AZIN1: variants seen among roughly 807,000 people sequenced by gnomAD.
The protein encoded by AZIN1 is ornithine decarboxylase antizyme inhibitor.
AZIN1 carries 12 observed loss-of-function variants against 47.4 expected under a neutral mutation model. The observed-to-expected ratio is 0.25, with a 90% CI of 0.16 to 0.41. The LOEUF (loss-of-function observed/expected upper bound fraction) is 0.41. Ranked by LOEUF, AZIN1 falls within the 10% of genes least tolerant of loss-of-function variation. The pLI is 1.00. For missense variants in AZIN1, 410 were observed against 532.4 expected (o/e 0.77, Z 2.26); for synonymous variants, 155 against 176.3 (o/e 0.88, Z 0.96).
rs183588256 is a variant in AZIN1, at chr8:102,842,297, C to T, written c.102+1254G>A. ...TGAAGAATACAACTGAGACCAGGCACAGTGGCTCACGCCTGTTAATCCAAC... is the reference window on the plus strand; with the variant it reads ...TGAAGAATACAACTGAGACCAGGCATAGTGGCTCACGCCTGTTAATCCAAC... On this transcript the variant is annotated intron_variant, in intron 3 of 11. Coordinates refer to ENST00000337198, the MANE Select transcript of AZIN1 (RefSeq NM_148174.4). Among the ~76,000 whole-genome samples, 73 of 152,286 alleles carry T rather than the reference C, an allele frequency of 4.8e-4. 2 individuals carry two copies. The South Asian group carries it at 9.1e-3, about 19-fold the overall frequency.
chr8:102,832,556 G>C (rs781126283), intron 9 of AZIN1, among the ~76,000 whole-genome samples: 2 of 152,066 alleles, frequency 1.3e-5, no homozygotes, highest in Non-Finnish European at 2.9e-5. Flanking sequence ...TCATCTGCTA[G>C]ACATTTATCT....
chr8:102,829,685 C>T, intron 10 of AZIN1, 136 bp downstream of exon 10: 2 of 827,136 alleles, frequency 2.4e-6, no homozygotes, highest in Non-Finnish European at 2.0e-6. Context: ...GGGACTCCAC[C>T]AGAAGAACGC....
In AZIN1 at chr8:102,844,356, A is replaced by T. The variant is rs565528160; in HGVS notation, c.-95-609T>A. Among the ~76,000 whole-genome samples, 393 of 152,332 alleles carry T rather than the reference A, an allele frequency of 2.6e-3. 1 individual carries two copies. The highest frequency in any genetic ancestry group is 8.3e-3 in the African/African-American group (347 of 41,578). Reference sequence around the variant, plus strand: ...ACTCCGTCTCTCCTAAAAAAAAAAAAAAAATTCCCAAATAGGTGAAAGTAA... The same window carrying T: ...ACTCCGTCTCTCCTAAAAAAAAAAATAAAATTCCCAAATAGGTGAAAGTAA... On this transcript the variant is annotated intron_variant, in intron 2 of 11. Transcript: ENST00000337198.
rs201949500 is a variant in AZIN1, at chr8:102,829,909, G to A, written c.932C>T (p.Ala311Val). The A allele has an allele frequency of 4.8e-5, 78 of 1,610,050 alleles. 1 individual carries two copies. The East Asian group carries it at 1.7e-3, about 34-fold the overall frequency. Residue 311 changes from alanine (A) to valine (V), a missense_variant, in exon 10 of 12, where the codon GCC becomes GTC. By Grantham distance (64) the Ala-to-Val change is moderately conservative. Transcript: ENST00000337198. Reference protein sequence around the residue: ...GVEKTGSDEPAFMYYMNDGVY... With the variant: ...GVEKTGSDEPVFMYYMNDGVY... ...ACCATCATTCATATAATACATGAAG[G>A]CTGGTTCATCACTTCCGGTTTTTTC... is the stretch of plus-strand genomic sequence containing the variant.
intron 3 of AZIN1, among the ~76,000 whole-genome samples, chr8:102,842,617 G>C (rs1178620370): frequency 1.3e-5 from 2 of 151,530 alleles, no homozygotes; most frequent in Non-Finnish European, 2.9e-5. Context: ...TGAGGCAGGA[G>C]AATCGCTTGA....
chr8:102,836,834 TTC>T (rs1811852931), intron 5 of AZIN1, among the ~76,000 whole-genome samples: 1 of 152,248 alleles, frequency 6.6e-6, no homozygotes, highest in Non-Finnish European at 1.5e-5. Flanking sequence ...ACTGCAAACA[TTC>T]TTCCTACTAA....
intron 2 of AZIN1, among the ~76,000 whole-genome samples, chr8:102,848,164 G>A (rs2679750): frequency 0.22 from 32,649 of 151,852 alleles, 4,075 homozygotes; most frequent in South Asian, 0.38. Flanking sequence ...TGGGTGTGTC[G>A]TAGGCTGTAC....
chr8:102,860,092 TGAA>T (rs1395296104), intron 1 of AZIN1, among the ~76,000 whole-genome samples: 3 of 152,110 alleles, frequency 2.0e-5, no homozygotes, highest in Admixed American at 6.5e-5. Context: ...TAAAAAAGCA[TGAA>T]GAAGGACTTG....
At chr8:102,841,201 GGATA>G (rs1812155530) in intron 3 of AZIN1, among the ~76,000 whole-genome samples, 2 of 152,166 alleles carry the variant, frequency 1.3e-5, no homozygotes, top group Admixed American at 1.3e-4. Context: ...GTGCAAAGAC[GGATA>G]GATAGTGGGA....
At chr8:102,832,699 G>A (rs1811540041) in intron 9 of AZIN1, among the ~76,000 whole-genome samples, 1 of 151,374 alleles carries the variant, frequency 6.6e-6, no homozygotes, top group Non-Finnish European at 1.5e-5. Context: ...GGAGTCCAGT[G>A]GCACAATCTT....
Position 102,838,754 on chromosome 8 carries a change from G to T in AZIN1, c.439C>A (p.Pro147Thr), listed in dbSNP as rs781216249. Residue 147 changes from proline (P) to threonine (T), a missense_variant, in exon 5 of 12, where the codon CCA becomes ACA. Coordinates refer to ENST00000337198, the MANE Select transcript of AZIN1 (RefSeq NM_148174.4). ...TAATTTTATACTTACTTGGCATTTGGGTGATTACGTGCAATTTTCTTCAAT... is the reference window on the plus strand; with the variant it reads ...TAATTTTATACTTACTTGGCATTTGTGTGATTACGTGCAATTTTCTTCAAT... Reference protein sequence around the residue: ...IELKKIARNHPNAKVLLHIAT... With the variant: ...IELKKIARNHTNAKVLLHIAT... 13 of 1,611,002 alleles carry T rather than the reference G, an allele frequency of 8.1e-6. No homozygotes were observed. Among genetic ancestry groups the T allele is most frequent in the Non-Finnish European group, 1.1e-5 (13 of 1,178,546 alleles).
At chr8:102,837,011 G>A (rs1459403588) in intron 5 of AZIN1, among the ~76,000 whole-genome samples, 2 of 152,016 alleles carry the variant, frequency 1.3e-5, no homozygotes, top group Non-Finnish European at 2.9e-5. Flanking sequence ...AGTGCCTCCT[G>A]AGTTCAAGCA....
In AZIN1 at chr8:102,841,870, G is replaced by C. The variant is rs370009052; in HGVS notation, c.102+1681C>G. ...TCGCGCCTGTAATCCCAGCACTTTG[G>C]GAGGCCAAGGTGGGTGGATCACCTG... On this transcript the variant is annotated intron_variant, in intron 3 of 11. Coordinates refer to ENST00000337198, the MANE Select transcript of AZIN1 (RefSeq NM_148174.4). Among the ~76,000 whole-genome samples, 9 of 151,338 alleles carry C rather than the reference G, an allele frequency of 5.9e-5. No homozygotes were observed. The East Asian group carries it at 1.6e-3, about 26-fold the overall frequency.
In AZIN1 at chr8:102,826,436, A is replaced by G. The variant is rs897694586; in HGVS notation, c.*2131T>C. Reference sequence around the variant, plus strand: ...CAGTTCAATTTACTATATAGAAATCATTGGGTTTTATATTTGCAGTTAACT... The same window carrying G: ...CAGTTCAATTTACTATATAGAAATCGTTGGGTTTTATATTTGCAGTTAACT... On this transcript the variant is annotated 3_prime_UTR_variant, in exon 12 of 12. Transcript: ENST00000337198. 1 of 152,676 alleles carries G rather than the reference A, an allele frequency of 6.5e-6. No individual in the cohort carries two copies. The highest frequency in any genetic ancestry group is 1.5e-5 in the Non-Finnish European group (1 of 68,050). The allele number at this position is 152,676 out of a possible 1,614,324, so 9.5% of individuals were successfully genotyped here.
At chr8:102,843,050 T>G (rs1349262069) in intron 3 of AZIN1, among the ~76,000 whole-genome samples, 1 of 151,434 alleles carries the variant, frequency 6.6e-6, no homozygotes, top group African/African-American at 2.4e-5. Context: ...TCTACTAAAA[T>G]ACAAAAATTA....
chr8:102,836,497 A>T (rs991366613), intron 5 of AZIN1, 107 bp from the exon 6 acceptor site: 1 of 1,231,856 alleles, frequency 8.1e-7, no homozygotes, highest in Admixed American at 2.1e-5. Flanking sequence ...CAGTGCTCCC[A>T]AATCCAGCGA....
intron 2 of AZIN1, among the ~76,000 whole-genome samples, chr8:102,854,685 G>A (rs1813172020): frequency 6.7e-6 from 1 of 148,990 alleles, no homozygotes; most frequent in Admixed American, 6.7e-5. Flanking sequence ...TAAGGCATGT[G>A]TAAATACTAA....
At chr8:102,852,393 T>C (rs1812968540) in intron 2 of AZIN1, among the ~76,000 whole-genome samples, 1 of 152,110 alleles carries the variant, frequency 6.6e-6, no homozygotes, top group Non-Finnish European at 1.5e-5. Flanking sequence ...CTGACCAACA[T>C]GGCGAAACCT....
At chr8:102,828,752 T>TA (rs1811249539) in intron 11 of AZIN1, 74 bp from the exon 12 acceptor site, 1 of 887,596 alleles carries the variant, frequency 1.1e-6, no homozygotes, top group South Asian at 1.6e-5. Flanking sequence ...AAATGGATAA[T>TA]AAAACAGGAT....
Sources: allele counts gnomAD v4.1 joint callset (sites outside exome capture counted in the v4.1 genomes callset), GRCh38; gene constraint gnomAD v4.1.1; transcripts MANE v1.5; gene names NCBI Gene and HGNC (gene_info 2026-07-23, HGNC 2026-07-21).